Variants in CLMP observed in about 807,000 individuals in gnomAD.
CLMP encodes CXADR like cell adhesion molecule.
Under a neutral mutation model 45.2 loss-of-function variants are expected in CLMP, and 27 were observed. The ratio of observed to expected loss-of-function variants is 0.60; its 90% CI spans 0.44 to 0.82. The LOEUF (loss-of-function observed/expected upper bound fraction) is 0.82, where lower values mean the gene tolerates loss of function less well. Among genes scored for constraint, CLMP ranks in the 40% least tolerant of loss-of-function variants. The pLI, the probability that CLMP is intolerant of heterozygous loss-of-function variation, is 0.00. For missense variants in CLMP, 403 were observed against 448.4 expected (o/e 0.90, Z 0.91); for synonymous variants, 167 against 171.4 (o/e 0.97, Z 0.20).
chr11:123,135,599 A>G (rs1861061066), intron 1 of CLMP, among the ~76,000 whole-genome samples: 1 of 152,172 alleles, frequency 6.6e-6, no homozygotes, highest in South Asian at 2.1e-4. Flanking sequence ...AGAGAATAAT[A>G]TTTCACTAGG....
Position 123,150,582 on chromosome 11 carries a change from AAAGG to A in CLMP, c.28+44327_28+44330del, listed in dbSNP as rs57990609. On this transcript the variant is annotated intron_variant, in intron 1 of 6. Coordinates refer to ENST00000448775, the MANE Select transcript of CLMP (RefSeq NM_024769.5). ...AAGGAAAGGAAGGAAGGAAGGAAGG[AAAGG>A]AAGGAAGGAAGGAAGGAATGAAGGA... is the stretch of plus-strand genomic sequence containing the variant. 7.3e-3 allele frequency among the ~76,000 whole-genome samples: 854 copies of A among 116,918 alleles called. 36 individuals are homozygous for A. The highest frequency in any genetic ancestry group is 0.064 in the Admixed American group (738 of 11,592). 76.7% of individuals were successfully genotyped at this position (116,918 alleles called of 152,430 possible).
chr11:123,073,134 C>T lies in CLMP; in HGVS notation c.*340G>A, dbSNP rs11218952. The T allele has an allele frequency of 1.3e-4, 25 of 195,208 alleles. No individual in the cohort carries two copies. The South Asian group carries it at 4.1e-3, about 32-fold the overall frequency. 12.1% of individuals were successfully genotyped at this position (195,208 alleles called of 1,614,324 possible). On this transcript the variant is annotated 3_prime_UTR_variant, in exon 7 of 7. Transcript: ENST00000448775. The stretch of plus-strand genomic sequence containing the variant: ...AAAATTGTGAATCAAAGCACTGATA[C>T]AAAATATCCCACATTAAAAGTTTTA...
At chr11:123,165,928 C>T (rs1306626970) in intron 1 of CLMP, among the ~76,000 whole-genome samples, 1 of 152,172 alleles carries the variant, frequency 6.6e-6, no homozygotes, top group Non-Finnish European at 1.5e-5. Context: ...ACTGTCAAGC[C>T]ATCTTTCATT....
At position 123,174,079 on chromosome 11, in the gene CLMP, T is replaced by C. The variant is rs115159071; in HGVS notation, c.28+20834A>G. ...GCCTGGGCAACAGGTGGGACCCTGTTTCAAAAAAAATTTTTTTTAATAAAA... is the reference window on the plus strand; with the variant it reads ...GCCTGGGCAACAGGTGGGACCCTGTCTCAAAAAAAATTTTTTTTAATAAAA... On this transcript the variant is annotated intron_variant, in intron 1 of 6. Transcript: ENST00000448775. Among the ~76,000 whole-genome samples the C allele has an allele frequency of 3.3e-3, 495 of 152,176 alleles. 1 individual carries two copies. The highest frequency in any genetic ancestry group is 0.011 in the African/African-American group (440 of 41,502).
At chr11:123,165,983 A>G (rs1861550598) in intron 1 of CLMP, among the ~76,000 whole-genome samples, 3 of 152,176 alleles carry the variant, frequency 2.0e-5, no homozygotes, top group Admixed American at 2.0e-4. Flanking sequence ...TATGCTTAAA[A>G]AGGTCTTAAA....
intron 1 of CLMP, among the ~76,000 whole-genome samples, chr11:123,107,031 AAATAAT>A (rs1555080297): frequency 7.0e-6 from 1 of 142,378 alleles, no homozygotes; most frequent in Admixed American, 7.2e-5. Context: ...AAAAAAAAAA[AAATAAT>A]AATAATAATA....
intron 1 of CLMP, among the ~76,000 whole-genome samples, chr11:123,141,872 T>C (rs969182147): frequency 1.2e-4 from 18 of 152,084 alleles, no homozygotes; most frequent in African/African-American, 4.3e-4. Flanking sequence ...TTCGCTTTTG[T>C]ATGAGAAAAT....
chr11:123,105,724 C>T (rs1591459648), intron 1 of CLMP, among the ~76,000 whole-genome samples: 1 of 151,872 alleles, frequency 6.6e-6, no homozygotes, highest in African/African-American at 2.4e-5. Context: ...GCCACTGTGC[C>T]AAGCCGTATT....
At chr11:123,153,549 A>AAC (rs757756228) in intron 1 of CLMP, among the ~76,000 whole-genome samples, 4 of 152,210 alleles carry the variant, frequency 2.6e-5, no homozygotes, top group Non-Finnish European at 4.4e-5. Context: ...GACTGCCCCA[A>AAC]ACACACACAC....
chr11:123,082,630 A>G (rs1455038184), intron 5 of CLMP, among the ~76,000 whole-genome samples: 1 of 131,924 alleles, frequency 7.6e-6, no homozygotes, highest in Non-Finnish European at 1.6e-5. Context: ...TTTTTTTTTG[A>G]GAGGGAGTCT....
intron 1 of CLMP, among the ~76,000 whole-genome samples, chr11:123,160,155 C>T (rs746657337): frequency 5.9e-5 from 9 of 151,808 alleles, no homozygotes; most frequent in Non-Finnish European, 1.0e-4. Context: ...TGTCACGTCC[C>T]TGTAGTCTCA....
At chr11:123,102,183 C>CT (rs1860453668) in intron 1 of CLMP, among the ~76,000 whole-genome samples, 1 of 146,204 alleles carries the variant, frequency 6.8e-6, no homozygotes, top group African/African-American at 2.6e-5. Flanking sequence ...GACCCTGTCT[C>CT]TAAAAAAAAA....
chr11:123,151,801 T>A (rs1861340391), intron 1 of CLMP, among the ~76,000 whole-genome samples: 1 of 152,226 alleles, frequency 6.6e-6, no homozygotes, highest in Admixed American at 6.5e-5. Context: ...TCATAGCATG[T>A]TCATTTTTAG....
intron 1 of CLMP, among the ~76,000 whole-genome samples, chr11:123,107,802 T>A (rs1244048817): frequency 7.1e-6 from 1 of 140,878 alleles, no homozygotes; most frequent in Non-Finnish European, 1.6e-5. Flanking sequence ...TGCTCTCTCC[T>A]ATTTTTTTTT....
intron 1 of CLMP, among the ~76,000 whole-genome samples, chr11:123,131,886 G>A (rs889448636): frequency 4.6e-5 from 7 of 152,118 alleles, no homozygotes; most frequent in African/African-American, 1.4e-4. Flanking sequence ...AAAGTGCTGG[G>A]ATTACAGGCG....
At position 123,073,376 on chromosome 11, in the gene CLMP, CTCA is replaced by C; in HGVS notation, c.*95_*97del. On this transcript the variant is annotated 3_prime_UTR_variant, in exon 7 of 7. Transcript: ENST00000448775. Reference sequence around the variant, plus strand: ...ATGCTCACTGCTACTTAGATGACCTCTCATCTGGTTGTGTGGCTGGTGACTTGA... The same window carrying C: ...ATGCTCACTGCTACTTAGATGACCTCTCTGGTTGTGTGGCTGGTGACTTGA... The C allele has an allele frequency of 7.5e-7, 1 of 1,336,304 alleles. No homozygotes were observed. Among genetic ancestry groups the C allele is most frequent in the Non-Finnish European group, 1.0e-6 (1 of 967,598 alleles). The allele number at this position is 1,336,304 out of a possible 1,614,324, so 82.8% of individuals were successfully genotyped here.
intron 5 of CLMP, among the ~76,000 whole-genome samples, chr11:123,081,798 G>A (rs755057801): frequency 5.3e-5 from 8 of 151,314 alleles, no homozygotes; most frequent in Non-Finnish European, 1.2e-4. Context: ...GGAGGCAGAG[G>A]CTGCAGTAAG....
chr11:123,152,892 G>A (rs1861358468), intron 1 of CLMP, among the ~76,000 whole-genome samples: 1 of 152,104 alleles, frequency 6.6e-6, no homozygotes, highest in African/African-American at 2.4e-5. Context: ...AGGAGGGCCT[G>A]GTGAAGGATC....
At chr11:123,074,934 G>T in intron 5 of CLMP, 91 bp from the exon 6 acceptor site, 1 of 1,396,838 alleles carries the variant, frequency 7.2e-7, no homozygotes, top group Non-Finnish European at 9.7e-7. Flanking sequence ...TGGACAGAAT[G>T]AGTATTTGCA....
Sources: allele counts gnomAD v4.1 joint callset (sites outside exome capture counted in the v4.1 genomes callset), GRCh38; gene constraint gnomAD v4.1.1; transcripts MANE v1.5; gene names NCBI Gene and HGNC (gene_info 2026-07-23, HGNC 2026-07-21).